Variants in TBC1D5 observed in about 807,000 individuals in gnomAD.
The protein encoded by TBC1D5 is TBC1 domain family member 5, also known as TBC1 domain family, member 5.
A neutral mutation model predicts 100.3 loss-of-function variants in TBC1D5; 75 were observed. That is an observed-to-expected ratio of 0.75 (90% CI 0.62 to 0.91). TBC1D5 has a LOEUF of 0.91. TBC1D5 is among the 40% of genes least tolerant of loss of function. The probability of loss-of-function intolerance (pLI) is 0.00; values close to 1 mark genes in which losing one functional copy is unlikely to be tolerated. For missense variants in TBC1D5, 910 were observed against 942.4 expected (o/e 0.97, Z 0.45); for synonymous variants, 323 against 325.6 (o/e 0.99, Z 0.09).
intron 1 of TBC1D5, among the ~76,000 whole-genome samples, chr3:17,650,841 T>G (rs2065479584): frequency 1.3e-5 from 2 of 152,188 alleles, no homozygotes; most frequent in Admixed American, 1.3e-4. Context: ...GTACAGTAGC[T>G]CTGATTATCA....
At position 17,313,342 on chromosome 3, in the gene TBC1D5, C is replaced by T. The variant is rs189938591; in HGVS notation, c.996-5208G>A. The stretch of plus-strand genomic sequence containing the variant: ...AGAGTTAACGTGCAGTTGTTGGACA[C>T]GTTGGGAAAACGAATTTTAGGCTCC... On this transcript the variant is annotated intron_variant, in intron 13 of 21. Transcript: ENST00000253692. 9.2e-5 allele frequency among the ~76,000 whole-genome samples: 14 copies of T among 152,250 alleles called. No homozygotes were observed. The East Asian group carries it at 1.2e-3, about 13-fold the overall frequency.
intron 2 of TBC1D5, among the ~76,000 whole-genome samples, chr3:17,599,289 TC>T (rs1295660593): frequency 1.1e-4 from 17 of 151,822 alleles, no homozygotes; most frequent in Admixed American, 7.9e-4. Context: ...CACACACCCA[TC>T]ATGTACCCAT....
At chr3:17,220,130 C>T (rs1244314672) in intron 17 of TBC1D5, among the ~76,000 whole-genome samples, 1 of 152,072 alleles carries the variant, frequency 6.6e-6, no homozygotes, top group Admixed American at 6.6e-5. Flanking sequence ...GAAAGGTACA[C>T]CTTTAGGCAC....
At chr3:17,335,898 T>C (rs947186512) in intron 13 of TBC1D5, among the ~76,000 whole-genome samples, 2 of 152,244 alleles carry the variant, frequency 1.3e-5, no homozygotes, top group East Asian at 1.9e-4. Flanking sequence ...CAAATAAGTA[T>C]TGCAACAAAA....
chr3:17,405,411 G>A (rs1245672040), intron 5 of TBC1D5, among the ~76,000 whole-genome samples: 1 of 151,956 alleles, frequency 6.6e-6, no homozygotes, highest in Non-Finnish European at 1.5e-5. Context: ...GGCATAGCCT[G>A]AAACATGAAA....
chr3:17,230,241 C>T, intron 17 of TBC1D5, among the ~76,000 whole-genome samples: 1 of 152,150 alleles, frequency 6.6e-6, no homozygotes. Context: ...TCTCCTTGTT[C>T]TACCAACTTG....
intron 17 of TBC1D5, among the ~76,000 whole-genome samples, chr3:17,228,197 T>A (rs570873455): frequency 5.3e-5 from 8 of 152,238 alleles, no homozygotes; most frequent in Middle Eastern, 3.4e-3. Flanking sequence ...CAGGGTAGAA[T>A]TCCCCAAGCC....
upstream of TBC1D5, among the ~76,000 whole-genome samples, chr3:17,741,571 G>A (rs543749067): frequency 3.9e-5 from 6 of 152,230 alleles, no homozygotes; most frequent in East Asian, 9.6e-4. Context: ...TAAAATCTTA[G>A]GATTTTGTCC....
At chr3:17,449,267 C>T (rs1360243226) in intron 3 of TBC1D5, among the ~76,000 whole-genome samples, 1 of 152,224 alleles carries the variant, frequency 6.6e-6, no homozygotes, top group African/African-American at 2.4e-5. Flanking sequence ...CTGCAGGTGT[C>T]TACACCACCA....
chr3:17,618,513 G>A (rs2062375963), intron 2 of TBC1D5, among the ~76,000 whole-genome samples: 1 of 152,262 alleles, frequency 6.6e-6, no homozygotes, highest in Admixed American at 6.5e-5. Context: ...CAGAGGTGGA[G>A]TCTATAGAGG....
At chr3:17,580,289 A>C (rs1400171117) in intron 2 of TBC1D5, among the ~76,000 whole-genome samples, 4 of 151,672 alleles carry the variant, frequency 2.6e-5, no homozygotes, top group Non-Finnish European at 4.4e-5. Flanking sequence ...CATTAACAGA[A>C]TTTTTTTTTA....
chr3:17,238,640 A>T (rs2149042317), intron 16 of TBC1D5, among the ~76,000 whole-genome samples: 1 of 152,344 alleles, frequency 6.6e-6, no homozygotes, highest in East Asian at 1.9e-4. Context: ...CATTTCATTC[A>T]TTCATTCAAC....
In TBC1D5 at chr3:17,291,989, T is replaced by C. The variant is rs201967767; in HGVS notation, c.1151A>G (p.Asn384Ser). 4.1e-5 allele frequency: 66 copies of C among 1,613,312 alleles called. 1 individual carries two copies. The East Asian group carries it at 1.4e-3, about 34-fold the overall frequency. ...CAGAAGGCCGAGACAGGTCTGGTAG[T>C]TACTAGAGATCACTAAATAAGAAGA... The change falls in exon 15 of 22, where the codon AAC (asparagine) becomes AGC (serine). Residue 384 changes from asparagine (N) to serine (S), a missense_variant. Asn to Ser is a conservative substitution (Grantham distance 46). Transcript: ENST00000253692.
rs17043481 is a variant in TBC1D5, at chr3:17,356,322, G to C, written c.995+15753C>G. On this transcript the variant is annotated intron_variant, in intron 13 of 21. Transcript: ENST00000253692. ...ACCATCTATTTTGCAAACTCCTTTC[G>C]ATAGAGAATCTTTCAGGCTTGCTGC... is the stretch of plus-strand genomic sequence containing the variant. Among the ~76,000 whole-genome samples, 1,311 of 152,176 alleles carry C rather than the reference G, an allele frequency of 8.6e-3. 14 individuals are homozygous for C. Among genetic ancestry groups the C allele is most frequent in the Admixed American group, 0.016 (237 of 15,262 alleles).
At chr3:17,528,865 C>CA (rs1027209421) in intron 2 of TBC1D5, among the ~76,000 whole-genome samples, 15 of 151,940 alleles carry the variant, frequency 9.9e-5, no homozygotes, top group African/African-American at 1.7e-4. Context: ...CAAAACACTA[C>CA]AAAAAAAATT....
intron 2 of TBC1D5, among the ~76,000 whole-genome samples, chr3:17,517,034 T>C (rs544611028): frequency 9.4e-4 from 143 of 152,340 alleles, no homozygotes; most frequent in African/African-American, 3.3e-3. Flanking sequence ...AATGTTTTCC[T>C]GGAATATATC....
chr3:17,252,962 A>G (rs1311437768), intron 16 of TBC1D5, among the ~76,000 whole-genome samples: 1 of 152,206 alleles, frequency 6.6e-6, no homozygotes, highest in African/African-American at 2.4e-5. Flanking sequence ...CATCCTTGAT[A>G]TCAGGGTGTG....
At chr3:17,222,518 G>C (rs556981678) in intron 17 of TBC1D5, among the ~76,000 whole-genome samples, 1 of 152,196 alleles carries the variant, frequency 6.6e-6, no homozygotes, top group South Asian at 2.1e-4. Context: ...GCTTGGCTGA[G>C]AATAAGATAC....
At chr3:17,430,612 T>C (rs964119057) in intron 3 of TBC1D5, among the ~76,000 whole-genome samples, 1 of 151,868 alleles carries the variant, frequency 6.6e-6, no homozygotes, top group Admixed American at 6.6e-5. Context: ...GAGTTGGCTA[T>C]ATGGGGAAAA....
Sources: gnomAD v4.1 joint callset for allele counts (sites outside exome capture counted in the v4.1 genomes callset) on GRCh38, gnomAD v4.1.1 for gene constraint, MANE v1.5 for transcripts, NCBI Gene and HGNC (gene_info 2026-07-23, HGNC 2026-07-21) for gene names.